RERG: variants seen among roughly 807,000 people sequenced by gnomAD.
The protein encoded by RERG is ras-related and estrogen-regulated growth inhibitor.
Under a neutral mutation model 23.2 loss-of-function variants are expected in RERG, and 25 were observed. The observed-to-expected ratio is 1.08, with a 90% CI of 0.79 to 1.50. RERG has a LOEUF of 1.50. Among genes scored for constraint, RERG ranks in the 40% most tolerant of loss-of-function variants. RERG has a pLI of 0.00. For synonymous variants in RERG, 81 were observed against 89.1 expected, an observed-to-expected ratio of 0.91 and a Z score of 0.51; for missense variants, 253 against 250.1, an observed-to-expected ratio of 1.01 and a Z score of -0.08.
intron 2 of RERG, among the ~76,000 whole-genome samples, chr12:15,212,874 G>GA (rs1865387897): frequency 6.6e-6 from 1 of 151,978 alleles, no homozygotes; most frequent in African/African-American, 2.4e-5. Flanking sequence ...TTAAAAATAA[G>GA]ATGAAAAAAG....
intron 2 of RERG, among the ~76,000 whole-genome samples, chr12:15,196,051 G>A (rs1039437603): frequency 3.3e-5 from 5 of 152,118 alleles, no homozygotes; most frequent in African/African-American, 1.2e-4. Context: ...AACTTTGACT[G>A]CCTAAAGAGT....
intron 3 of RERG, among the ~76,000 whole-genome samples, chr12:15,118,762 C>T (rs1002210946): frequency 5.9e-5 from 9 of 151,854 alleles, no homozygotes; most frequent in Non-Finnish European, 7.4e-5. Context: ...CTCCCACTTT[C>T]CCTTCTGCCG....
intron 2 of RERG, among the ~76,000 whole-genome samples, chr12:15,176,164 T>C (rs1565528923): frequency 6.6e-6 from 1 of 152,178 alleles, no homozygotes; most frequent in African/African-American, 2.4e-5. Flanking sequence ...TTCCTACTAG[T>C]ATTATTTTTA....
intron 4 of RERG, among the ~76,000 whole-genome samples, chr12:15,110,470 T>TTTTTTTC (rs1863589353): frequency 2.8e-5 from 2 of 71,330 alleles, no homozygotes; most frequent in Non-Finnish European, 6.2e-5. Context: ...TTTCTTTTTT[T>TTTTTTTC]TTTTTTTTTT....
At chr12:15,208,555 ATGAACAGAAACAGCTACTGCTTT>A (rs1865324135) in intron 2 of RERG, among the ~76,000 whole-genome samples, 1 of 152,176 alleles carries the variant, frequency 6.6e-6, no homozygotes, top group African/African-American at 2.4e-5. Flanking sequence ...TAGAGGTATA[ATGAACAGAAACAGCTACTGCTTT>A]GCCTTTTTGG....
intron 2 of RERG, among the ~76,000 whole-genome samples, chr12:15,195,575 G>GTGTGTA (rs900274941): frequency 1.6e-5 from 2 of 127,162 alleles, no homozygotes; most frequent in African/African-American, 5.7e-5. Context: ...GTGTGTGTGT[G>GTGTGTA]TGTGTGTGTG....
chr12:15,202,901 T>C (rs984254477), intron 2 of RERG, among the ~76,000 whole-genome samples: 1 of 151,768 alleles, frequency 6.6e-6, no homozygotes, highest in Non-Finnish European at 1.5e-5. Context: ...GTTGCACCAT[T>C]TTATATTCCC....
At chr12:15,204,106 A>G (rs1344272161) in intron 2 of RERG, among the ~76,000 whole-genome samples, 17 of 151,742 alleles carry the variant, frequency 1.1e-4, no homozygotes, top group Admixed American at 6.6e-5. Flanking sequence ...AAGACCCAGA[A>G]TAGCCAACAC....
At chr12:15,213,229 C>T (rs1865393260) in intron 2 of RERG, among the ~76,000 whole-genome samples, 1 of 152,192 alleles carries the variant, frequency 6.6e-6, no homozygotes, top group African/African-American at 2.4e-5. Flanking sequence ...CTATCAGCCC[C>T]CTCCCACACT....
intron 2 of RERG, among the ~76,000 whole-genome samples, chr12:15,121,641 T>C (rs1863834088): frequency 6.6e-6 from 1 of 152,228 alleles, no homozygotes; most frequent in South Asian, 2.1e-4. Context: ...GTAGCACTGA[T>C]AGAATACAGT....
chr12:15,187,244 A>G (rs1036144279), intron 2 of RERG, among the ~76,000 whole-genome samples: 4 of 152,142 alleles, frequency 2.6e-5, no homozygotes, highest in Non-Finnish European at 5.9e-5. Flanking sequence ...AATGCTGAAT[A>G]CTAGTAAAAC....
At chr12:15,213,300 G>C (rs1322779019) in intron 2 of RERG, among the ~76,000 whole-genome samples, 1 of 152,180 alleles carries the variant, frequency 6.6e-6, no homozygotes, top group African/African-American at 2.4e-5. Flanking sequence ...GTGCATTCTA[G>C]GCTTATTGGC....
intron 2 of RERG, among the ~76,000 whole-genome samples, chr12:15,180,030 A>T (rs1267013152): frequency 1.3e-5 from 2 of 152,232 alleles, no homozygotes; most frequent in Non-Finnish European, 2.9e-5. Context: ...ATTCACACAT[A>T]TGAACTTATT....
At position 15,109,274 on chromosome 12, in the gene RERG, C is replaced by T. The variant is rs780770821; in HGVS notation, c.436G>A (p.Glu146Lys). The T allele has an allele frequency of 2.5e-6, 4 of 1,614,160 alleles. No individual in the cohort carries two copies. Among genetic ancestry groups the T allele is most frequent in the Non-Finnish European group, 1.7e-6 (2 of 1,180,024 alleles). ...LATELACAFY[E>K]CSACTGEGNI... ...CCTTCTCCAGTGCAGGCAGAGCACTCGTAAAAAGCACAAGCCAATTCTGTG... is the reference window on the plus strand; with the variant it reads ...CCTTCTCCAGTGCAGGCAGAGCACTTGTAAAAAGCACAAGCCAATTCTGTG... Residue 146 changes from glutamate to lysine, a missense_variant, in exon 5 of 5, where the codon GAG becomes AAG. Physicochemically the swap from Glu to Lys is moderately conservative, Grantham distance 56 (BLOSUM62 1). Coordinates refer to ENST00000256953, the MANE Select transcript of RERG (RefSeq NM_032918.3).
At chr12:15,191,421 C>T (rs2136134917) in intron 2 of RERG, among the ~76,000 whole-genome samples, 1 of 152,244 alleles carries the variant, frequency 6.6e-6, no homozygotes, top group South Asian at 2.1e-4. Flanking sequence ...GCCTCATCCT[C>T]CCAGTATAAT....
chr12:15,197,749 C>G (rs1043673391), intron 2 of RERG, among the ~76,000 whole-genome samples: 1 of 152,116 alleles, frequency 6.6e-6, no homozygotes. Context: ...GAGCCTTGCA[C>G]TTTATAAATT....
At chr12:15,219,293 A>G (rs1376291934) in intron 1 of RERG, among the ~76,000 whole-genome samples, 1 of 152,258 alleles carries the variant, frequency 6.6e-6, no homozygotes, top group Non-Finnish European at 1.5e-5. Flanking sequence ...GTATTTCTAC[A>G]AAGACATTAT....
At chr12:15,119,700 A>C (rs1479070563) in intron 3 of RERG, among the ~76,000 whole-genome samples, 6 of 152,288 alleles carry the variant, frequency 3.9e-5, no homozygotes, top group Admixed American at 3.3e-4. Flanking sequence ...GACCTATTTA[A>C]AAGCAAAAAC....
intron 2 of RERG, among the ~76,000 whole-genome samples, chr12:15,128,668 G>T (rs952852459): frequency 1.3e-5 from 2 of 152,176 alleles, no homozygotes; most frequent in Non-Finnish European, 2.9e-5. Context: ...GCCTCACAGG[G>T]AGCAAAGCTT....
Sources: allele counts gnomAD v4.1 joint callset (sites outside exome capture counted in the v4.1 genomes callset), GRCh38; gene constraint gnomAD v4.1.1; transcripts MANE v1.5; gene names NCBI Gene and HGNC (gene_info 2026-07-23, HGNC 2026-07-21).